Variants in RASA2 observed in about 807,000 individuals in gnomAD.
RASA2 encodes the protein ras GTPase-activating protein 2.
RASA2 carries 155 observed loss-of-function variants against 118.2 expected under a neutral mutation model. That is an observed-to-expected ratio of 1.31 (90% CI 1.15 to 1.50). The LOEUF is 1.50. Ranked by LOEUF, RASA2 falls within the 40% of genes most tolerant of loss-of-function variation. The probability of loss-of-function intolerance (pLI) is 0.00; values close to 1 mark genes in which losing one functional copy is unlikely to be tolerated. For missense variants in RASA2, 1,016 were observed against 1,009.6 expected, an observed-to-expected ratio of 1.01 and a Z score of -0.09; for synonymous variants, 353 against 349.1, an observed-to-expected ratio of 1.01 and a Z score of -0.12.
intron 1 of RASA2, among the ~76,000 whole-genome samples, chr3:141,511,083 G>T (rs1052051816): frequency 1.3e-5 from 2 of 152,130 alleles, no homozygotes; most frequent in African/African-American, 4.8e-5. Context: ...GGTTGGATTT[G>T]GGATTTATTT....
At chr3:141,498,136 C>T (rs1466971630) in intron 1 of RASA2, among the ~76,000 whole-genome samples, 1 of 151,958 alleles carries the variant, frequency 6.6e-6, no homozygotes, top group African/African-American at 2.4e-5. Context: ...TCCTGGTTTC[C>T]AGATGTTGTG....
chr3:141,498,926 G>T (rs1373030815), intron 1 of RASA2, among the ~76,000 whole-genome samples: 1 of 152,142 alleles, frequency 6.6e-6, no homozygotes, highest in Non-Finnish European at 1.5e-5. Flanking sequence ...CTTGAGGAAG[G>T]GGTCTGTAGG....
intron 1 of RASA2, among the ~76,000 whole-genome samples, chr3:141,496,767 G>A (rs2081708490): frequency 6.6e-6 from 1 of 152,170 alleles, no homozygotes; most frequent in Admixed American, 6.5e-5. Flanking sequence ...CGATTCCTCA[G>A]GGATCTAGAA....
At chr3:141,530,973 T>C (rs1393964512) in intron 4 of RASA2, among the ~76,000 whole-genome samples, 2 of 152,122 alleles carry the variant, frequency 1.3e-5, no homozygotes, top group African/African-American at 4.8e-5. Context: ...TTCATTTCTA[T>C]AAAGTGGGAA....
intron 5 of RASA2, among the ~76,000 whole-genome samples, chr3:141,542,169 ATG>A (rs201295955): frequency 0.022 from 3,350 of 152,046 alleles, 130 homozygotes; most frequent in African/African-American, 0.076. Context: ...TTACTCAGAG[ATG>A]TGTGTAGTTC....
At chr3:141,487,722 C>G (rs528048620) in intron 1 of RASA2, among the ~76,000 whole-genome samples, 1 of 152,036 alleles carries the variant, frequency 6.6e-6, no homozygotes, top group African/African-American at 2.4e-5. Context: ...GGGGGCTGTT[C>G]GTTTCCTGGG....
At chr3:141,579,642 C>T (rs1173173513) in intron 15 of RASA2, among the ~76,000 whole-genome samples, 1 of 152,118 alleles carries the variant, frequency 6.6e-6, no homozygotes, top group Non-Finnish European at 1.5e-5. Flanking sequence ...ACACCTAAAA[C>T]TGCCATTTTA....
intron 2 of RASA2, among the ~76,000 whole-genome samples, chr3:141,514,363 A>G (rs1187187224): frequency 6.6e-6 from 1 of 152,218 alleles, no homozygotes; most frequent in Non-Finnish European, 1.5e-5. Context: ...AGATTCTAGA[A>G]CATAATCTGC....
intron 13 of RASA2, 119 bp downstream of exon 13, chr3:141,573,340 T>G: frequency 3.7e-6 from 4 of 1,075,030 alleles, no homozygotes; most frequent in Non-Finnish European, 5.0e-6. Flanking sequence ...ATTCTTCACA[T>G]AAGCCTTTAT....
intron 1 of RASA2, among the ~76,000 whole-genome samples, chr3:141,491,192 A>T (rs2081636352): frequency 6.6e-6 from 1 of 152,122 alleles, no homozygotes; most frequent in Non-Finnish European, 1.5e-5. Flanking sequence ...TATCCATTGT[A>T]TACAGGTTGT....
chr3:141,505,425 A>G (rs1245069341), intron 1 of RASA2, among the ~76,000 whole-genome samples: 1 of 152,144 alleles, frequency 6.6e-6, no homozygotes, highest in East Asian at 1.9e-4. Flanking sequence ...GAATTGAGGA[A>G]GACTTTGCAA....
intron 19 of RASA2, among the ~76,000 whole-genome samples, chr3:141,588,586 T>C (rs1040816707): frequency 1.3e-5 from 2 of 152,192 alleles, no homozygotes; most frequent in Non-Finnish European, 2.9e-5. Flanking sequence ...AAAGAGGATA[T>C]AACACAGTTA....
chr3:141,494,863 AC>A (rs1201997330), intron 1 of RASA2, among the ~76,000 whole-genome samples: 1 of 152,000 alleles, frequency 6.6e-6, no homozygotes, highest in Non-Finnish European at 1.5e-5. Context: ...TTATTTTAAA[AC>A]CTGTGCAAAG....
At chr3:141,580,085 A>AAAAAAAAAT (rs1553797703) in intron 15 of RASA2, among the ~76,000 whole-genome samples, 1 of 59,618 alleles carries the variant, frequency 1.7e-5, no homozygotes, top group East Asian at 7.9e-4. Context: ...AAAAAAAAAA[A>AAAAAAAAAT]ATATATATAT....
In RASA2 at chr3:141,528,688, GTGTT is replaced by G. The variant is rs1449987958; in HGVS notation, c.356-1014_356-1011del. ...CAGAGTGAAATTTTAAGCATAGTTTGTGTTTGTTTTCCTGTTCCTTCCTTTTCAC... is the reference window on the plus strand; with the variant it reads ...CAGAGTGAAATTTTAAGCATAGTTTGTGTTTTCCTGTTCCTTCCTTTTCAC... On this transcript the variant is annotated intron_variant, in intron 3 of 23. Coordinates refer to ENST00000286364, the MANE Select transcript of RASA2 (RefSeq NM_006506.5). Among the ~76,000 whole-genome samples, 12 of 151,976 alleles carry G rather than the reference GTGTT, an allele frequency of 7.9e-5. No individual in the cohort carries two copies. In the East Asian group the frequency reaches 2.3e-3, roughly 29 times the overall value.
chr3:141,542,347 C>A (rs572865523), intron 5 of RASA2, among the ~76,000 whole-genome samples: 2 of 152,088 alleles, frequency 1.3e-5, no homozygotes, highest in African/African-American at 2.4e-5. Context: ...CCACACTGTA[C>A]GTATATCATT....
intron 13 of RASA2, 53 bp from the exon 14 acceptor site, chr3:141,573,891 T>C: frequency 2.8e-6 from 4 of 1,449,210 alleles, no homozygotes; most frequent in Non-Finnish European, 9.2e-7. Flanking sequence ...ATGAAGGCTA[T>C]TGAAGATGTG....
At chr3:141,602,926 A>G (rs2083488933) in intron 19 of RASA2, among the ~76,000 whole-genome samples, 1 of 152,204 alleles carries the variant, frequency 6.6e-6, no homozygotes, top group Non-Finnish European at 1.5e-5. Context: ...GTTTATTATC[A>G]GGCTTTCATA....
chr3:141,572,859 T>A, intron 12 of RASA2, 136 bp downstream of exon 12: 1 of 708,570 alleles, frequency 1.4e-6, no homozygotes, highest in Non-Finnish European at 2.3e-6. Flanking sequence ...AGAAGCAAAT[T>A]ATTTACTTCT....
Sources: gnomAD v4.1 joint callset for allele counts (sites outside exome capture counted in the v4.1 genomes callset) on GRCh38, gnomAD v4.1.1 for gene constraint, MANE v1.5 for transcripts, NCBI Gene and HGNC (gene_info 2026-07-23, HGNC 2026-07-21) for gene names.